Variants in ZNF300 observed in about 807,000 individuals in gnomAD.
ZNF300 encodes the protein kruppel-like zinc finger protein.
Under a neutral mutation model 13.9 loss-of-function variants are expected in ZNF300, and 6 were observed. The ratio of observed to expected loss-of-function variants is 0.43; its 90% CI spans 0.24 to 0.85. The LOEUF (loss-of-function observed/expected upper bound fraction) is 0.85. Ranked by LOEUF, ZNF300 falls within the 40% of genes least tolerant of loss-of-function variation. The pLI, the probability that ZNF300 is intolerant of heterozygous loss-of-function variation, is 0.25. For synonymous variants in ZNF300, 237 were observed against 242.2 expected (o/e 0.98, Z 0.20); for missense variants, 662 against 714.2 (o/e 0.93, Z 0.83).
intron 5 of ZNF300, 105 bp from the exon 6 acceptor site, chr5:150,897,078 A>G: frequency 5.8e-6 from 5 of 858,636 alleles, no homozygotes; most frequent in Non-Finnish European, 8.8e-6. Context: ...AACTCACAAA[A>G]AAAGGATGGA....
Position 150,896,988 on chromosome 5 carries a change from G to A in ZNF300, c.266-15C>T. 1 of 1,587,762 alleles carries A rather than the reference G, an allele frequency of 6.3e-7. No individual in the cohort carries two copies. The highest frequency in any genetic ancestry group is 8.6e-7 in the Non-Finnish European group (1 of 1,167,082). On this transcript the variant is annotated splice_polypyrimidine_tract_variant and intron_variant, in intron 5 of 5. Transcript: ENST00000274599. ...ACTCTTCCTGTCTAAAAGAAGAAAA[G>A]ATACAATTTAAGAGTCATCACAAGA...
In ZNF300 at chr5:150,896,844, C is replaced by A. The variant is rs1561756080; in HGVS notation, c.395G>T (p.Gly132Val). 6.2e-7 allele frequency: 1 copy of A among 1,613,710 alleles called. No individual in the cohort carries two copies. Among genetic ancestry groups the A allele is most frequent in the Admixed American group, 1.7e-5 (1 of 59,944 alleles). Residue 132 changes from glycine (G) to valine (V), a missense_variant, in exon 6 of 6, where the codon GGT (glycine) becomes GTT (valine). By Grantham distance (109) the Gly-to-Val change is moderately radical. Coordinates refer to ENST00000274599, the MANE Select transcript of ZNF300 (RefSeq NM_052860.4). ...CSILKVCQGD[G>V]QLQRFLENQD... ...ATTCTCTAGAAATCTCTGCAGCTGA[C>A]CATCACCTTGACAGACTTTTAAAAT...
intron 5 of ZNF300, chr5:150,897,464 A>C (rs1051031249): frequency 3.2e-5 from 5 of 155,306 alleles, no homozygotes; most frequent in African/African-American, 7.2e-5. Flanking sequence ...AGTCAAACTG[A>C]GAATACAGAC....
intron 4 of ZNF300, 51 bp from the exon 5 acceptor site, chr5:150,898,235 A>C (rs773055406): frequency 1.1e-5 from 18 of 1,607,700 alleles, no homozygotes; most frequent in Non-Finnish European, 1.5e-5. Flanking sequence ...TGAAGGAAAA[A>C]GAGAAGGTGC....
chr5:150,896,162 C>T lies in ZNF300; in HGVS notation c.1077G>A (p.Gly359=), dbSNP rs1422574592. ...GEKPYECSEC[G]KAFSQKSPLI... ...GGGGTGATTTCTGGGAGAAGGCTTT[C>T]CCGCATTCACTACATTCATAGGGTT... is the stretch of plus-strand genomic sequence containing the variant. Residue 359 remains glycine, a synonymous_variant, in exon 6 of 6, where the codon GGG becomes GGA. Coordinates refer to ENST00000274599, the MANE Select transcript of ZNF300 (RefSeq NM_052860.4). The T allele has an allele frequency of 4.3e-6, 7 of 1,613,154 alleles. No homozygotes were observed. Among genetic ancestry groups the T allele is most frequent in the South Asian group, 1.1e-5 (1 of 91,016 alleles).
Position 150,894,887 on chromosome 5 carries a change from TG to T in ZNF300, c.*536del, listed in dbSNP as rs1754700204. On this transcript the variant is annotated 3_prime_UTR_variant, in exon 6 of 6. Transcript: ENST00000274599. ...TTCCAGAGATGCAGGTCAACTTATA[TG>T]CTTGAGATGGGAAAATGCATACAGA... 1 of 152,358 alleles carries T rather than the reference TG, an allele frequency of 6.6e-6. No homozygotes were observed. The highest frequency in any genetic ancestry group is 2.1e-4 in the South Asian group (1 of 4,838). 9.4% of individuals were successfully genotyped at this position (152,358 alleles called of 1,614,324 possible).
intron 3 of ZNF300, among the ~76,000 whole-genome samples, chr5:150,899,865 A>C (rs1754931457): frequency 6.6e-6 from 1 of 152,142 alleles, no homozygotes; most frequent in Non-Finnish European, 1.5e-5. Flanking sequence ...CATAATTACC[A>C]AACACCACTT....
intron 2 of ZNF300, chr5:150,903,523 A>T (rs955665433): frequency 4.4e-6 from 3 of 681,596 alleles, no homozygotes; most frequent in Non-Finnish European, 7.6e-6. Context: ...TCATGAGGCA[A>T]TAATCATGGA....
Position 150,894,448 on chromosome 5 carries a change from G to A in ZNF300, c.*976C>T, listed in dbSNP as rs945287276. 4 of 152,146 alleles carry A rather than the reference G, an allele frequency of 2.6e-5. No homozygotes were observed. The highest frequency in any genetic ancestry group is 9.7e-5 in the African/African-American group (4 of 41,388). The allele number at this position is 152,146 out of a possible 1,614,324, so 9.4% of individuals were successfully genotyped here. ...TGTAAGTATATGAAAATAAATCCAA[G>A]TATTAAAAAACACAACCTTAACATA... On this transcript the variant is annotated 3_prime_UTR_variant, in exon 6 of 6. Transcript: ENST00000274599.
In ZNF300 at chr5:150,896,895, ACTC is replaced by A. The variant is rs747183833; in HGVS notation, c.341_343del (p.Gly114del). 2 of 1,613,434 alleles carry A rather than the reference ACTC, an allele frequency of 1.2e-6. No individual in the cohort carries two copies. The highest frequency in any genetic ancestry group is 2.2e-5 in the South Asian group (2 of 91,062). ...GGAGCACAATGAACCATCCCTTGTG[ACTC>A]CTTTCAGTATCTTATGATGGAAGGA... On this transcript the variant is annotated inframe_deletion, in exon 6 of 6. Coordinates refer to ENST00000274599, the MANE Select transcript of ZNF300 (RefSeq NM_052860.4).
chr5:150,895,633 G>C lies in ZNF300; in HGVS notation c.1606C>G (p.Leu536Val). Residue 536 changes from leucine (L) to valine (V), a missense_variant, in exon 6 of 6, where the codon CTT becomes GTT. Transcript: ENST00000274599. ...CGKAFSQKSH[L>V]PGHQRIHTGE... is the part of the protein sequence containing the mutation. ...GTATGAATTCGCTGGTGTCCCGGAA[G>C]GTGGGACTTCTGAGAGAAGGCTTTC... is the stretch of plus-strand genomic sequence containing the variant. 6.2e-7 allele frequency: 1 copy of C among 1,613,232 alleles called. No homozygotes were observed. Among genetic ancestry groups the C allele is most frequent in the Non-Finnish European group, 8.5e-7 (1 of 1,179,556 alleles).
At position 150,895,293 on chromosome 5, in the gene ZNF300, C is replaced by G. The variant is rs1754714112; in HGVS notation, c.*131G>C. 5 of 645,980 alleles carry G rather than the reference C, an allele frequency of 7.7e-6. No individual in the cohort carries two copies. The highest frequency in any genetic ancestry group is 1.2e-5 in the Non-Finnish European group (5 of 406,668). 40.0% of individuals were successfully genotyped at this position (645,980 alleles called of 1,614,324 possible). ...TCTTTGCTGGAAAAGTTAGGCATCA[C>G]CAAACTAGAAACAAATTCCCTTAAA... On this transcript the variant is annotated 3_prime_UTR_variant, in exon 6 of 6. Coordinates refer to ENST00000274599, the MANE Select transcript of ZNF300 (RefSeq NM_052860.4).
At chr5:150,899,416 T>G (rs1754916125) in intron 3 of ZNF300, among the ~76,000 whole-genome samples, 1 of 151,378 alleles carries the variant, frequency 6.6e-6, no homozygotes. Context: ...AGTACATTTT[T>G]TTTTAAAAAA....
chr5:150,904,133 T>A (rs1186006664), intron 1 of ZNF300, among the ~76,000 whole-genome samples, 156 bp from the exon 2 acceptor site: 1 of 152,100 alleles, frequency 6.6e-6, no homozygotes, highest in Non-Finnish European at 1.5e-5. Context: ...AGTTTTGATT[T>A]GTTTGGTCTT....
chr5:150,898,431 T>C lies in ZNF300; in HGVS notation c.139A>G (p.Met47Val), dbSNP rs766497783. The C allele has an allele frequency of 1.8e-5, 29 of 1,613,254 alleles. No individual in the cohort carries two copies. The highest frequency in any genetic ancestry group is 1.3e-4 in the Admixed American group (8 of 59,922). ...MLENYSHLVS[M>V]GYPVSKPDVI... ...TATTCAGGGAAGCCATCCTTACCCATTGAGACCAGGTGGCTGTAGTTCTCC... is the reference window on the plus strand; with the variant it reads ...TATTCAGGGAAGCCATCCTTACCCACTGAGACCAGGTGGCTGTAGTTCTCC... Residue 47 changes from methionine (M) to valine (V), a missense_variant, in exon 4 of 6, where the codon ATG (methionine) becomes GTG (valine). Coordinates refer to ENST00000274599, the MANE Select transcript of ZNF300 (RefSeq NM_052860.4).
chr5:150,904,292 C>G (rs570732695), intron 1 of ZNF300, among the ~76,000 whole-genome samples: 1 of 151,960 alleles, frequency 6.6e-6, no homozygotes, highest in Admixed American at 6.6e-5. Context: ...AAAGGCCTTC[C>G]CCAGTAAAAT....
chr5:150,902,637 A>G (rs1755028827), intron 3 of ZNF300, among the ~76,000 whole-genome samples: 1 of 152,228 alleles, frequency 6.6e-6, no homozygotes, highest in African/African-American at 2.4e-5. Flanking sequence ...CAGTTGGAGA[A>G]TGGGATTTGG....
Position 150,903,162 on chromosome 5 carries a change from C to G in ZNF300, c.-7G>C. On this transcript the variant is annotated 5_prime_UTR_variant, in exon 3 of 6. Transcript: ENST00000274599. The stretch of plus-strand genomic sequence containing the variant: ...TCACCTGGGACTTCATCATTTTTTG[C>G]TCTTCCAAAAGGCCAGATGACTGAA... The G allele has an allele frequency of 6.2e-7, 1 of 1,611,004 alleles. No homozygotes were observed. The highest frequency in any genetic ancestry group is 1.7e-5 in the Admixed American group (1 of 59,642).
rs1754802867 is a variant in ZNF300, at chr5:150,896,775, G to GT, written c.463dup (p.Thr155AsnfsTer4). The GT allele has an allele frequency of 6.2e-7, 1 of 1,613,740 alleles. No homozygotes were observed. Among genetic ancestry groups the GT allele is most frequent in the East Asian group, 2.2e-5 (1 of 44,852 alleles). On this transcript the variant is annotated frameshift_variant, in exon 6 of 6. Coordinates refer to ENST00000274599, the MANE Select transcript of ZNF300 (RefSeq NM_052860.4). LOFTEE classifies it low-confidence loss of function (END_TRUNC). ...TTTATGCCCTGATGCCTCAGTCACT[G>GT]TTTTGCTGTTAACAAATGTGACCTG...
Sources: gnomAD v4.1 joint callset for allele counts (sites outside exome capture counted in the v4.1 genomes callset) on GRCh38, gnomAD v4.1.1 for gene constraint, MANE v1.5 for transcripts, NCBI Gene and HGNC (gene_info 2026-07-23, HGNC 2026-07-21) for gene names.